Variants in DACH1 observed in about 807,000 individuals in gnomAD.
The protein encoded by DACH1 is dachshund family transcription factor 1.
DACH1 carries 12 observed loss-of-function variants against 54.2 expected under a neutral mutation model. That is an observed-to-expected ratio of 0.22 (90% confidence interval 0.14 to 0.36). The LOEUF (loss-of-function observed/expected upper bound fraction) is 0.36. DACH1 is among the 10% of genes least tolerant of loss of function. The probability of loss-of-function intolerance (pLI) is 1.00; values close to 1 mark genes in which losing one functional copy is unlikely to be tolerated. For synonymous variants in DACH1, 386 were observed against 366.2 expected, an observed-to-expected ratio of 1.05 and a Z score of -0.62; for missense variants, 805 against 929.8, an observed-to-expected ratio of 0.87 and a Z score of 1.75.
intron 2 of DACH1, among the ~76,000 whole-genome samples, chr13:71,638,351 C>T (rs926972026): frequency 2.0e-5 from 3 of 152,104 alleles, no homozygotes; most frequent in Admixed American, 1.3e-4. Context: ...GGAGGAAAAT[C>T]GAACATGTGG....
chr13:71,654,491 A>G (rs1256042919), intron 2 of DACH1, among the ~76,000 whole-genome samples: 1 of 147,062 alleles, frequency 6.8e-6, no homozygotes, highest in African/African-American at 2.5e-5. Context: ...AAATAAAATA[A>G]AATAAAATAA....
chr13:71,501,063 G>T (rs1566300040), intron 6 of DACH1, among the ~76,000 whole-genome samples: 1 of 152,090 alleles, frequency 6.6e-6, no homozygotes, highest in Non-Finnish European at 1.5e-5. Flanking sequence ...GACTGTAAAA[G>T]CCCCTGGTTC....
At position 71,866,280 on chromosome 13, in the gene DACH1, A is replaced by AGCTGCTGCTGCTACTGCT; in HGVS notation, c.472_489dup (p.Ser158_Ser163dup). The AGCTGCTGCTGCTACTGCT allele has an allele frequency of 3.2e-6, 5 of 1,583,838 alleles. No homozygotes were observed. The highest frequency in any genetic ancestry group is 2.3e-5 in the East Asian group (1 of 43,246). On this transcript the variant is annotated inframe_insertion, in exon 1 of 11. Transcript: ENST00000613252. ...ACGGGTTTCCCGGGGAGGGGGCCGC[A>AGCTGCTGCTGCTACTGCT]GCTGCTGCTGCTACTGCTGCTGCTG...
At chr13:71,532,431 A>C (rs1302673143) in intron 6 of DACH1, among the ~76,000 whole-genome samples, 1 of 151,964 alleles carries the variant, frequency 6.6e-6, no homozygotes, top group Non-Finnish European at 1.5e-5. Flanking sequence ...CTATTTACTA[A>C]CTCCCGTTCC....
chr13:71,475,297 C>A, intron 9 of DACH1, 88 bp from the exon 10 acceptor site: 2 of 1,087,508 alleles, frequency 1.8e-6, no homozygotes, highest in African/African-American at 1.6e-5. Context: ...TACTTTGGTG[C>A]TGAATTAAAA....
chr13:71,734,981 A>ATC (rs1883947667), intron 1 of DACH1, among the ~76,000 whole-genome samples: 1 of 29,206 alleles, frequency 3.4e-5, no homozygotes. Context: ...CACACACAGG[A>ATC]TATATATATA....
At chr13:71,568,564 T>C (rs1346389926) in intron 4 of DACH1, among the ~76,000 whole-genome samples, 1 of 152,050 alleles carries the variant, frequency 6.6e-6, no homozygotes, top group Admixed American at 6.6e-5. Flanking sequence ...GTAGACATTT[T>C]TCTTCAAATA....
chr13:71,716,232 A>G (rs1203503463), intron 1 of DACH1, among the ~76,000 whole-genome samples: 2 of 151,962 alleles, frequency 1.3e-5, no homozygotes, highest in African/African-American at 4.8e-5. Flanking sequence ...TTCTTCATTC[A>G]CATTGCTCCT....
chr13:71,745,847 A>G (rs541698418), intron 1 of DACH1, among the ~76,000 whole-genome samples: 1 of 152,226 alleles, frequency 6.6e-6, no homozygotes, highest in South Asian at 2.1e-4. Flanking sequence ...CCACCACTAC[A>G]CCTCAAAACA....
At chr13:71,596,754 A>G (rs1364383706) in intron 3 of DACH1, among the ~76,000 whole-genome samples, 1 of 152,196 alleles carries the variant, frequency 6.6e-6, no homozygotes, top group African/African-American at 2.4e-5. Context: ...AGAAAACAGA[A>G]CACTGGAAAT....
intron 1 of DACH1, among the ~76,000 whole-genome samples, chr13:71,777,100 G>T (rs1285415572): frequency 1.3e-5 from 2 of 152,188 alleles, no homozygotes; most frequent in South Asian, 2.1e-4. Context: ...TGCCCCCATG[G>T]TTTACAACAA....
chr13:71,550,901 G>T (rs1446232415), intron 6 of DACH1, among the ~76,000 whole-genome samples: 1 of 152,050 alleles, frequency 6.6e-6, no homozygotes, highest in African/African-American at 2.4e-5. Context: ...GCCAACAAAA[G>T]ATATATTTAG....
chr13:71,783,682 G>A (rs1370863480), intron 1 of DACH1, among the ~76,000 whole-genome samples: 3 of 152,028 alleles, frequency 2.0e-5, no homozygotes, highest in African/African-American at 7.2e-5. Context: ...CTTAAGAGGA[G>A]TGATTGAAAT....
chr13:71,601,210 T>C (rs1271028486), intron 3 of DACH1, among the ~76,000 whole-genome samples: 1 of 152,000 alleles, frequency 6.6e-6, no homozygotes. Context: ...TCGATCTCTT[T>C]CTCCGCCTGA....
At chr13:71,769,693 G>A (rs1885774872) in intron 1 of DACH1, among the ~76,000 whole-genome samples, 1 of 151,618 alleles carries the variant, frequency 6.6e-6, no homozygotes, top group Non-Finnish European at 1.5e-5. Context: ...TGTACTGAGA[G>A]TATAAAAATC....
chr13:71,594,190 C>A (rs1873929155), intron 3 of DACH1, among the ~76,000 whole-genome samples: 1 of 151,224 alleles, frequency 6.6e-6, no homozygotes, highest in African/African-American at 2.4e-5. Flanking sequence ...TTTAGAAAGT[C>A]TTGGGATTCT....
At chr13:71,541,925 GTT>G (rs397720054) in intron 6 of DACH1, among the ~76,000 whole-genome samples, 7,995 of 105,592 alleles carry the variant, frequency 0.076, 421 homozygotes, top group African/African-American at 0.2. Context: ...TATTTGCCCA[GTT>G]TTTTTTTTTT....
At chr13:71,540,755 C>G (rs1390159423) in intron 6 of DACH1, among the ~76,000 whole-genome samples, 1 of 151,946 alleles carries the variant, frequency 6.6e-6, no homozygotes, top group African/African-American at 2.4e-5. Context: ...ATTTATGTAA[C>G]TCTCATGACT....
intron 1 of DACH1, among the ~76,000 whole-genome samples, chr13:71,856,970 A>G (rs1167104451): frequency 6.6e-6 from 1 of 151,846 alleles, no homozygotes; most frequent in Non-Finnish European, 1.5e-5. Flanking sequence ...TTGTTTTCCT[A>G]TCATTTATTC....
Sources: gnomAD v4.1 joint callset for allele counts (sites outside exome capture counted in the v4.1 genomes callset) on GRCh38, gnomAD v4.1.1 for gene constraint, MANE v1.5 for transcripts, NCBI Gene and HGNC (gene_info 2026-07-23, HGNC 2026-07-21) for gene names.